The following SGCD variants were observed in gnomAD, a reference collection of about 807,000 sequenced individuals.
SGCD encodes the protein sarcoglycan delta, also known as delta-sarcoglycan.
In SGCD, 18 loss-of-function variants were observed where a neutral mutation model predicts 36.6. The ratio of observed to expected loss-of-function variants is 0.49; its 90% CI spans 0.34 to 0.73. The LOEUF (loss-of-function observed/expected upper bound fraction) is 0.73. SGCD is among the 30% of genes least tolerant of loss of function. The pLI is 0.01. For synonymous variants in SGCD, 133 were observed against 130.6 expected (o/e 1.02, Z -0.12); for missense variants, 387 against 346.7 (o/e 1.12, Z -0.92).
intron 4 of SGCD, among the ~76,000 whole-genome samples, chr5:156,513,828 A>G (rs1757041772): frequency 1.3e-5 from 2 of 152,252 alleles, no homozygotes; most frequent in Admixed American, 6.5e-5. Flanking sequence ...TGAAAGCCCC[A>G]GGACATTCTA....
chr5:156,212,053 G>GA (rs1270839658), intron 3 of SGCD, among the ~76,000 whole-genome samples: 1 of 152,142 alleles, frequency 6.6e-6, no homozygotes, highest in Non-Finnish European at 1.5e-5. Context: ...TAACACTAGA[G>GA]AAAATCACCT....
chr5:155,983,845 C>T (rs566846396), intron 1 of SGCD, among the ~76,000 whole-genome samples: 1 of 152,260 alleles, frequency 6.6e-6, no homozygotes, highest in Non-Finnish European at 1.5e-5. Context: ...CTTTATTGCT[C>T]TACTTATTTA....
At chr5:156,471,090 T>C (rs1206315163) in intron 3 of SGCD, among the ~76,000 whole-genome samples, 2 of 152,064 alleles carry the variant, frequency 1.3e-5, no homozygotes, top group Non-Finnish European at 2.9e-5. Context: ...GGTAGTATTA[T>C]TACAATAGAC....
chr5:156,447,431 T>G (rs1308091679), intron 3 of SGCD, among the ~76,000 whole-genome samples: 2 of 152,170 alleles, frequency 1.3e-5, no homozygotes, highest in Non-Finnish European at 2.9e-5. Context: ...TAACCAAATT[T>G]TCCAGTCCTG....
At chr5:155,780,772 G>A in the SGCD span, among the ~76,000 whole-genome samples, 24 of 152,204 alleles carry the variant, frequency 1.6e-4, no homozygotes, top group Admixed American at 1.0e-3. Flanking sequence ...TTTTGTATTC[G>A]TAATACACTT....
intron 2 of SGCD, among the ~76,000 whole-genome samples, chr5:156,333,954 C>T (rs1768200703): frequency 6.6e-6 from 1 of 151,372 alleles, no homozygotes; most frequent in African/African-American, 2.4e-5. Context: ...GTTTAGCTGA[C>T]TTTGGTTTTT....
intron 4 of SGCD, among the ~76,000 whole-genome samples, chr5:156,535,793 T>G (rs1758080021): frequency 6.6e-6 from 1 of 152,208 alleles, no homozygotes; most frequent in Admixed American, 6.5e-5. Context: ...TTCCAAAATG[T>G]TATTGCCTGT....
At chr5:155,849,446 GCACACA>G in the SGCD span, among the ~76,000 whole-genome samples, 6 of 149,832 alleles carry the variant, frequency 4.0e-5, no homozygotes, top group Non-Finnish European at 7.4e-5. Context: ...ATGTGCGCGC[GCACACA>G]CACACACACA....
chr5:156,604,643 G>C (rs1409139407), intron 6 of SGCD, among the ~76,000 whole-genome samples: 1 of 144,456 alleles, frequency 6.9e-6, no homozygotes, highest in East Asian at 2.0e-4. Context: ...TTATATTTTT[G>C]ATATTTTCTT....
intron 1 of SGCD, among the ~76,000 whole-genome samples, chr5:156,085,396 G>A (rs996146127): frequency 6.6e-6 from 1 of 152,038 alleles, no homozygotes; most frequent in Non-Finnish European, 1.5e-5. Flanking sequence ...TTTACAGTGT[G>A]GCACCTCTCC....
intron 7 of SGCD, among the ~76,000 whole-genome samples, chr5:156,687,881 G>A (rs549329218): frequency 3.2e-4 from 49 of 152,240 alleles, no homozygotes; most frequent in African/African-American, 1.1e-3. Flanking sequence ...TAATTCCCAG[G>A]TATGCACTAC....
At chr5:156,171,953 T>C (rs12332631) in intron 3 of SGCD, among the ~76,000 whole-genome samples, 2,563 of 152,004 alleles carry the variant, frequency 0.017, 73 homozygotes, top group African/African-American at 0.058. Context: ...ACTGTACTGG[T>C]GAGGAAACTA....
chr5:156,633,079 G>T (rs2113537921), intron 6 of SGCD, among the ~76,000 whole-genome samples: 1 of 152,244 alleles, frequency 6.6e-6, no homozygotes, highest in South Asian at 2.1e-4. Flanking sequence ...TCTCTGATTT[G>T]CTTTCTCACA....
chr5:156,741,877 T>A (rs1027007603), intron 7 of SGCD, among the ~76,000 whole-genome samples: 4 of 151,980 alleles, frequency 2.6e-5, no homozygotes, highest in African/African-American at 9.7e-5. Context: ...TTCAGGTTTT[T>A]TTTTTTTTCT....
At position 155,990,534 on chromosome 5, in the gene SGCD, CTT is replaced by C. The variant is rs562844774; in HGVS notation, c.-282+120111_-282+120112del. Among the ~76,000 whole-genome samples, 252 of 152,242 alleles carry C rather than the reference CTT, an allele frequency of 1.7e-3. 1 individual carries two copies. The highest frequency in any genetic ancestry group is 2.8e-3 in the Non-Finnish European group (192 of 67,998). Reference sequence around the variant, plus strand: ...ACATGAATTGAGGATGAAAATAAGACTTAATTAAAATTGCAATGAATGCCTTT... The same window carrying C: ...ACATGAATTGAGGATGAAAATAAGACAATTAAAATTGCAATGAATGCCTTT... On this transcript the variant is annotated intron_variant, in intron 1 of 9. Coordinates refer to the SGCD transcript ENST00000517913.
the SGCD span, among the ~76,000 whole-genome samples, chr5:155,734,350 A>G: frequency 9.9e-4 from 151 of 152,018 alleles, 1 homozygote; most frequent in African/African-American, 3.5e-3. Flanking sequence ...GATTACAGAC[A>G]TGCACCACCA....
intron 3 of SGCD, among the ~76,000 whole-genome samples, chr5:156,142,607 A>G (rs1411897460): frequency 6.6e-6 from 1 of 152,204 alleles, no homozygotes; most frequent in Non-Finnish European, 1.5e-5. Flanking sequence ...TGGAAACCAG[A>G]GAAAAGGTCA....
chr5:155,847,877 T>C, the SGCD span, among the ~76,000 whole-genome samples: 1 of 152,226 alleles, frequency 6.6e-6, no homozygotes, highest in Non-Finnish European at 1.5e-5. Context: ...AATCATGAAA[T>C]ACAATGATAA....
At chr5:156,451,431 G>A (rs556381958) in intron 3 of SGCD, among the ~76,000 whole-genome samples, 21 of 152,196 alleles carry the variant, frequency 1.4e-4, no homozygotes, top group South Asian at 6.2e-4. Flanking sequence ...TCCTGTTAAG[G>A]AATTTTTAAA....
Sources: allele counts gnomAD v4.1 joint callset (sites outside exome capture counted in the v4.1 genomes callset), GRCh38; gene constraint gnomAD v4.1.1; transcripts MANE v1.5; gene names NCBI Gene and HGNC (gene_info 2026-07-23, HGNC 2026-07-21).